The following YEATS2 variants were observed in gnomAD, a reference collection of about 807,000 sequenced individuals.
YEATS2 encodes YEATS domain-containing protein 2.
A neutral mutation model predicts 163.2 loss-of-function variants in YEATS2; 77 were observed. The ratio of observed to expected loss-of-function variants is 0.47; its 90% confidence interval spans 0.39 to 0.57. YEATS2 has a LOEUF of 0.57. Ranked by LOEUF, YEATS2 falls within the 20% of genes least tolerant of loss-of-function variation. The pLI is 0.00. For synonymous variants in YEATS2, 631 were observed against 645.1 expected (o/e 0.98, Z 0.33); for missense variants, 1,549 against 1,729.8 (o/e 0.90, Z 1.85).
At chr3:183,711,252 C>G (rs9840029) in intron 1 of YEATS2, among the ~76,000 whole-genome samples, 1 of 151,622 alleles carries the variant, frequency 6.6e-6, no homozygotes, top group Admixed American at 6.6e-5. Flanking sequence ...GGGCGGATCA[C>G]GAGGTCAGGA....
chr3:183,711,450 G>C (rs1715209652), intron 1 of YEATS2, among the ~76,000 whole-genome samples: 1 of 140,210 alleles, frequency 7.1e-6, no homozygotes, highest in South Asian at 2.3e-4. Flanking sequence ...TCCAGCCTGG[G>C]AGACAGCGAG....
rs569130386 is a variant in YEATS2 at position 183,728,019 on chromosome 3, C to A, written c.651-671C>A. 1.6e-3 allele frequency among the ~76,000 whole-genome samples: 248 copies of A among 152,020 alleles called. 1 individual carries two copies. Among genetic ancestry groups the A allele is most frequent in the African/African-American group, 5.9e-3 (243 of 41,458 alleles). On this transcript the variant is annotated intron_variant, in intron 6 of 30. Transcript: ENST00000305135. ...AACTTTTAACAGAATGTCCCTTAAA[C>A]CAAATTCATGTTTTATTTATTTTAT...
chr3:183,718,467 TTTTTA>T lies in YEATS2; in HGVS notation c.199-32_199-28del, dbSNP rs751601289. ...TGTACATCTCTTTTATAATTGCCGT[TTTTTA>T]AAGTAATGAGTTAACATTTGTTTTT... is the stretch of plus-strand genomic sequence containing the variant. On this transcript the variant is annotated intron_variant, in intron 3 of 30. Transcript: ENST00000305135. The T allele has an allele frequency of 1.5e-5, 24 of 1,567,890 alleles. No homozygotes were observed. In the African/African-American group the frequency reaches 1.8e-4, roughly 12 times the overall value.
At chr3:183,752,321 G>C in intron 10 of YEATS2, 68 bp downstream of exon 10, 1 of 1,577,156 alleles carries the variant, frequency 6.3e-7, no homozygotes, top group Non-Finnish European at 8.7e-7. Context: ...TGCTTTCAGA[G>C]ACCTATAGTA....
rs111986642 is a variant in YEATS2, at chr3:183,774,652, G to A, written c.2368+858G>A. 8.9e-3 allele frequency among the ~76,000 whole-genome samples: 1,356 copies of A among 152,290 alleles called. 7 individuals carry two copies. The highest frequency in any genetic ancestry group is 0.02 in the Middle Eastern group (6 of 294). On this transcript the variant is annotated intron_variant, in intron 17 of 30. Transcript: ENST00000305135. ...TTGCTTTGACATATAGAGAAAAACCGTTTGGGCAGTGTTGAAAAGGATAGG... is the reference window on the plus strand; with the variant it reads ...TTGCTTTGACATATAGAGAAAAACCATTTGGGCAGTGTTGAAAAGGATAGG...
At chr3:183,737,537 T>C (rs17773963) in intron 8 of YEATS2, among the ~76,000 whole-genome samples, 7,653 of 152,316 alleles carry the variant, frequency 0.05, 227 homozygotes, top group Middle Eastern at 0.12. Context: ...TCACCATCAA[T>C]GTGTTTCTTG....
chr3:183,725,463 G>A (rs532032386), intron 6 of YEATS2, among the ~76,000 whole-genome samples: 1 of 152,260 alleles, frequency 6.6e-6, no homozygotes, highest in East Asian at 1.9e-4. Context: ...AATTTATAAA[G>A]GAAAGAGGTT....
In YEATS2 at chr3:183,810,693, G is replaced by A. The variant is rs574811428; in HGVS notation, c.*110G>A. The A allele has an allele frequency of 2.0e-6, 2 of 978,774 alleles. No homozygotes were observed. The highest frequency in any genetic ancestry group is 2.1e-5 in the Admixed American group (1 of 47,678). 60.6% of individuals were successfully genotyped at this position (978,774 alleles called of 1,614,324 possible). On this transcript the variant is annotated 3_prime_UTR_variant, in exon 31 of 31. Coordinates refer to ENST00000305135, the MANE Select transcript of YEATS2 (RefSeq NM_018023.5). ...TTTCCAGTGTGACTCGGCATGTCAT[G>A]GCTACCCAACCTTTGCCGCTGCCTG...
intron 8 of YEATS2, among the ~76,000 whole-genome samples, chr3:183,738,731 C>T (rs1718632763): frequency 1.6e-5 from 2 of 128,538 alleles, no homozygotes; most frequent in Non-Finnish European, 1.6e-5. Context: ...AGGATATGAA[C>T]TCATCATTTT....
At chr3:183,711,510 A>C (rs1715220082) in intron 1 of YEATS2, among the ~76,000 whole-genome samples, 1 of 151,692 alleles carries the variant, frequency 6.6e-6, no homozygotes, top group Admixed American at 6.6e-5. Flanking sequence ...AAAACATAAT[A>C]GTTGGGTTCT....
intron 8 of YEATS2, among the ~76,000 whole-genome samples, chr3:183,742,699 C>A (rs1209966083): frequency 6.6e-6 from 1 of 152,202 alleles, no homozygotes; most frequent in Non-Finnish European, 1.5e-5. Flanking sequence ...CTTAATAAAG[C>A]AGCTACAGGG....
intron 27 of YEATS2, among the ~76,000 whole-genome samples, chr3:183,805,796 A>AGG (rs1726132012): frequency 6.6e-6 from 1 of 151,396 alleles, no homozygotes; most frequent in African/African-American, 2.4e-5. Flanking sequence ...CCAAAAAAAA[A>AGG]AGGGGGGGCA....
intron 15 of YEATS2, among the ~76,000 whole-genome samples, chr3:183,764,455 T>G (rs957983411): frequency 6.6e-6 from 1 of 152,010 alleles, no homozygotes; most frequent in Non-Finnish European, 1.5e-5. Context: ...AATGAATTGT[T>G]TTAAGAATAG....
chr3:183,708,094 T>C (rs796414188), intron 1 of YEATS2, among the ~76,000 whole-genome samples: 14 of 152,064 alleles, frequency 9.2e-5, no homozygotes, highest in African/African-American at 3.1e-4. Context: ...CCTCATATGA[T>C]ATATGGCAAA....
intron 15 of YEATS2, among the ~76,000 whole-genome samples, chr3:183,765,278 A>G (rs1721792426): frequency 6.6e-6 from 1 of 152,232 alleles, no homozygotes; most frequent in Non-Finnish European, 1.5e-5. Context: ...GCTTTGAATC[A>G]ACTTAGCATT....
chr3:183,759,859 C>G (rs1159246049), intron 13 of YEATS2, among the ~76,000 whole-genome samples: 3 of 152,244 alleles, frequency 2.0e-5, no homozygotes. Flanking sequence ...GTAACCCCAT[C>G]CTAAGTCGGG....
chr3:183,771,013 C>A (rs779277971), intron 15 of YEATS2, among the ~76,000 whole-genome samples: 3 of 152,060 alleles, frequency 2.0e-5, no homozygotes, highest in Non-Finnish European at 4.4e-5. Context: ...TTCCCTTGAA[C>A]GCATGTATGT....
At chr3:183,712,490 C>T (rs58786932) in intron 1 of YEATS2, among the ~76,000 whole-genome samples, 1 of 151,996 alleles carries the variant, frequency 6.6e-6, no homozygotes, top group South Asian at 2.1e-4. Context: ...GGATTACAGG[C>T]GTGAGTTACC....
In YEATS2 at chr3:183,761,625, A is replaced by G. The variant is rs1003607636; in HGVS notation, c.1764+11A>G. 20 of 1,608,746 alleles carry G rather than the reference A, an allele frequency of 1.2e-5. No individual in the cohort carries two copies. Among genetic ancestry groups the G allele is most frequent in the Non-Finnish European group, 1.7e-5 (20 of 1,175,100 alleles). On this transcript the variant is annotated intron_variant, in intron 14 of 30. Coordinates refer to ENST00000305135, the MANE Select transcript of YEATS2 (RefSeq NM_018023.5). ...GGAGCTTTCACAAAAGTGAGTATGT[A>G]TTAGGGCATTGTCCCACAAGTCATA... is the stretch of plus-strand genomic sequence containing the variant.
Sources: gnomAD v4.1 joint callset for allele counts (sites outside exome capture counted in the v4.1 genomes callset) on GRCh38, gnomAD v4.1.1 for gene constraint, MANE v1.5 for transcripts, NCBI Gene and HGNC (gene_info 2026-07-23, HGNC 2026-07-21) for gene names.